KLHDC10: variants seen among roughly 807,000 people sequenced by gnomAD.
The protein encoded by KLHDC10 is kelch domain containing 10.
KLHDC10 carries 24 observed loss-of-function variants against 56.1 expected under a neutral mutation model. The ratio of observed to expected loss-of-function variants is 0.43; its 90% CI spans 0.31 to 0.60. The LOEUF (loss-of-function observed/expected upper bound fraction) is 0.60, where lower values mean the gene tolerates loss of function less well. Among genes scored for constraint, KLHDC10 ranks in the 20% least tolerant of loss-of-function variants. The probability of loss-of-function intolerance (pLI) is 0.11; values close to 1 mark genes in which losing one functional copy is unlikely to be tolerated. For synonymous variants in KLHDC10, 188 were observed against 207.1 expected, an observed-to-expected ratio of 0.91 and a Z score of 0.79; for missense variants, 349 against 567.0, an observed-to-expected ratio of 0.62 and a Z score of 3.91.
intron 2 of KLHDC10, among the ~76,000 whole-genome samples, chr7:130,105,445 T>C (rs1037741836): frequency 6.6e-6 from 1 of 152,176 alleles, no homozygotes; most frequent in African/African-American, 2.4e-5. Flanking sequence ...AGACCACTTC[T>C]TTTCCCCTAG....
At chr7:130,109,434 C>T (rs188309425) in intron 2 of KLHDC10, among the ~76,000 whole-genome samples, 113 of 151,968 alleles carry the variant, frequency 7.4e-4, no homozygotes, top group Admixed American at 5.3e-3. Context: ...ACTATTTTGC[C>T]ATATCTCTTT....
intron 2 of KLHDC10, among the ~76,000 whole-genome samples, chr7:130,097,351 T>A (rs1057495755): frequency 1.8e-4 from 28 of 152,060 alleles, no homozygotes; most frequent in Admixed American, 8.5e-4. Context: ...CTAAATATGA[T>A]TCTAAGGAAG....
At chr7:130,106,797 C>CT (rs1796013470) in intron 2 of KLHDC10, among the ~76,000 whole-genome samples, 1 of 151,860 alleles carries the variant, frequency 6.6e-6, no homozygotes, top group Admixed American at 6.6e-5. Flanking sequence ...GGGCAACACT[C>CT]TGTCTCTAAG....
intron 2 of KLHDC10, among the ~76,000 whole-genome samples, chr7:130,104,043 G>A (rs534685611): frequency 7.8e-4 from 119 of 152,004 alleles, no homozygotes; most frequent in Admixed American, 1.2e-3. Context: ...AGCCAAGATC[G>A]TGCTACTGCA....
At chr7:130,087,903 GGT>G (rs1235961115) in intron 1 of KLHDC10, among the ~76,000 whole-genome samples, 1 of 151,048 alleles carries the variant, frequency 6.6e-6, no homozygotes, top group East Asian at 2.0e-4. Context: ...TGGGATTACA[GGT>G]GCTCGCCACC....
At chr7:130,125,816 A>G (rs1412519953) in intron 6 of KLHDC10, 49 bp from the exon 7 acceptor site, 5 of 1,418,050 alleles carry the variant, frequency 3.5e-6, no homozygotes, top group Non-Finnish European at 4.8e-6. Context: ...CAGGCTAGCT[A>G]AAATTACAAT....
At chr7:130,128,889 A>AAATATATATATATAT in intron 8 of KLHDC10, among the ~76,000 whole-genome samples, 12 of 66,942 alleles carry the variant, frequency 1.8e-4, no homozygotes, top group African/African-American at 7.3e-4. Flanking sequence ...AAAAAAAAAA[A>AAATATATATATATAT]ATATATATAT....
chr7:130,088,649 C>CTT (rs111405203), intron 1 of KLHDC10, among the ~76,000 whole-genome samples: 7 of 140,166 alleles, frequency 5.0e-5, no homozygotes, highest in African/African-American at 1.3e-4. Context: ...TTCTTTCTTT[C>CTT]TTTTTTTTTT....
chr7:130,108,168 CA>C lies in KLHDC10; in HGVS notation c.254-8276del. 2.0e-5 allele frequency among the ~76,000 whole-genome samples: 3 copies of C among 152,054 alleles called. 1 individual carries two copies. In the Middle Eastern group the frequency reaches 0.01, roughly 524 times the overall value. On this transcript the variant is annotated intron_variant, in intron 2 of 9. Coordinates refer to ENST00000335420, the MANE Select transcript of KLHDC10 (RefSeq NM_014997.4). ...CGCCTGAACCCGGAGGCGGAAGTTG[CA>C]GTGAGCCGAAATCGCGCCACTGTAC...
At chr7:130,109,390 T>C (rs796904007) in intron 2 of KLHDC10, among the ~76,000 whole-genome samples, 30 of 151,812 alleles carry the variant, frequency 2.0e-4, no homozygotes, top group African/African-American at 6.5e-4. Flanking sequence ...GCCTGGCTAA[T>C]TTTTTTTGGC....
chr7:130,070,921 A>C, intron 1 of KLHDC10, 112 bp downstream of exon 1: 1 of 671,482 alleles, frequency 1.5e-6, no homozygotes, highest in Non-Finnish European at 2.1e-6. Flanking sequence ...GGCCCCACGC[A>C]TAGCAGAGGG....
In KLHDC10 at chr7:130,107,678, T is replaced by G. The variant is rs192485268; in HGVS notation, c.254-8767T>G. On this transcript the variant is annotated intron_variant, in intron 2 of 9. Coordinates refer to ENST00000335420, the MANE Select transcript of KLHDC10 (RefSeq NM_014997.4). ...GGCCAACATGACGAAACCCAGTCTT[T>G]ACTAAAAATACAAAAATTAGCCGGG... 6.2e-3 allele frequency among the ~76,000 whole-genome samples: 934 copies of G among 151,294 alleles called. 4 individuals carry two copies. Among genetic ancestry groups the G allele is most frequent in the Middle Eastern group, 0.024 (7 of 294 alleles).
chr7:130,112,121 A>T (rs920871633), intron 2 of KLHDC10, among the ~76,000 whole-genome samples: 13 of 152,260 alleles, frequency 8.5e-5, no homozygotes, highest in Admixed American at 2.0e-4. Context: ...AAATTCTCAT[A>T]CATTTGTATA....
At chr7:130,077,562 T>TTTCTTTCTTTTTC (rs1409770739) in intron 1 of KLHDC10, among the ~76,000 whole-genome samples, 1 of 138,752 alleles carries the variant, frequency 7.2e-6, no homozygotes, top group African/African-American at 2.7e-5. Context: ...TTTCTTTTTT[T>TTTCTTTCTTTTTC]TTTTTTTTTT....
intron 2 of KLHDC10, among the ~76,000 whole-genome samples, chr7:130,104,820 G>A (rs992915812): frequency 4.6e-5 from 7 of 152,176 alleles, no homozygotes; most frequent in Non-Finnish European, 1.0e-4. Context: ...ACAGTACCAA[G>A]GAGGTATGGT....
chr7:130,096,492 A>G (rs1484002669), intron 1 of KLHDC10, among the ~76,000 whole-genome samples: 1 of 152,158 alleles, frequency 6.6e-6, no homozygotes, highest in Non-Finnish European at 1.5e-5. Flanking sequence ...CTTCTTAACC[A>G]TATAATTAAT....
At chr7:130,127,151 G>C (rs1796325769) in intron 7 of KLHDC10, among the ~76,000 whole-genome samples, 1 of 152,188 alleles carries the variant, frequency 6.6e-6, no homozygotes. Context: ...GTGGGTAAAA[G>C]GGCTTGGGAA....
At chr7:130,113,397 A>G (rs1257434274) in intron 2 of KLHDC10, among the ~76,000 whole-genome samples, 1 of 151,120 alleles carries the variant, frequency 6.6e-6, no homozygotes, top group Non-Finnish European at 1.5e-5. Context: ...CAGTGGCACG[A>G]TCTTGACTCA....
At chr7:130,104,012 C>T (rs1795974584) in intron 2 of KLHDC10, among the ~76,000 whole-genome samples, 1 of 151,988 alleles carries the variant, frequency 6.6e-6, no homozygotes, top group East Asian at 1.9e-4. Flanking sequence ...CGCTTAAACC[C>T]AGGAGGCGGA....
Sources: allele counts gnomAD v4.1 joint callset (sites outside exome capture counted in the v4.1 genomes callset), GRCh38; gene constraint gnomAD v4.1.1; transcripts MANE v1.5; gene names NCBI Gene and HGNC (gene_info 2026-07-23, HGNC 2026-07-21).